Variants in PRELID2 observed in about 807,000 individuals in gnomAD.
PRELID2 encodes the protein PRELI domain containing 2, also known as PRELI domain-containing protein 2.
In PRELID2, 25 loss-of-function variants were observed where a neutral mutation model predicts 28.4. The ratio of observed to expected loss-of-function variants is 0.88; its 90% CI spans 0.64 to 1.23. PRELID2 has a LOEUF of 1.23. Ranked by LOEUF, PRELID2 falls within the 50% of genes most tolerant of loss-of-function variation. The pLI is 0.00. For missense variants in PRELID2, 201 were observed against 214.4 expected (o/e 0.94, Z 0.39); for synonymous variants, 76 against 71.6 (o/e 1.06, Z -0.31).
At chr5:145,407,918 C>T in the PRELID2 span, among the ~76,000 whole-genome samples, 4 of 152,168 alleles carry the variant, frequency 2.6e-5, no homozygotes, top group Non-Finnish European at 5.9e-5. Flanking sequence ...GCCACCTATG[C>T]CAGCACAGGT....
chr5:145,819,369 T>C (rs921069887), intron 3 of PRELID2: 7 of 1,587,870 alleles, frequency 4.4e-6, no homozygotes, highest in African/African-American at 2.7e-5. Context: ...GATTAAAAAT[T>C]TCCACTCACC....
At chr5:145,676,228 A>T (rs963837966) in intron 1 of PRELID2, among the ~76,000 whole-genome samples, 39 of 147,790 alleles carry the variant, frequency 2.6e-4, no homozygotes, top group Admixed American at 1.8e-3. Flanking sequence ...CTCAAAAAAA[A>T]AAAAAAAAAA....
At chr5:145,352,081 C>T in the PRELID2 span, among the ~76,000 whole-genome samples, 31 of 152,238 alleles carry the variant, frequency 2.0e-4, no homozygotes, top group East Asian at 2.7e-3. Context: ...TGGTGTAAGC[C>T]GTCAGTGGAT....
In PRELID2 at chr5:145,819,469, A is replaced by T. The variant is rs1186130401; in HGVS notation, c.207+476T>A. 13 of 1,156,976 alleles carry T rather than the reference A, an allele frequency of 1.1e-5. No individual in the cohort carries two copies. In the East Asian group the frequency reaches 2.8e-4, roughly 25 times the overall value. 71.7% of individuals were successfully genotyped at this position (1,156,976 alleles called of 1,614,324 possible). A position where few individuals can be genotyped will look rare whatever the true frequency, so the allele number is the denominator to read the frequency against. ...TGAAGATTTCATCATCAATGATATT[A>T]CTTTAGAGAAATACACATAAAGACT... On this transcript the variant is annotated intron_variant, in intron 3 of 6. Coordinates refer to ENST00000683046, the MANE Select transcript of PRELID2 (RefSeq NM_205846.3).
At chr5:145,295,314 GA>G in the PRELID2 span, among the ~76,000 whole-genome samples, 3 of 151,624 alleles carry the variant, frequency 2.0e-5, no homozygotes. Context: ...GATAAGGTAA[GA>G]AAAAAAAGAA....
At chr5:145,305,417 C>G in the PRELID2 span, among the ~76,000 whole-genome samples, 1 of 152,254 alleles carries the variant, frequency 6.6e-6, no homozygotes, top group African/African-American at 2.4e-5. Context: ...CATGACTGCC[C>G]TTCCTACCCT....
At chr5:145,249,961 C>G in the PRELID2 span, among the ~76,000 whole-genome samples, 2 of 151,822 alleles carry the variant, frequency 1.3e-5, no homozygotes, top group African/African-American at 4.8e-5. Context: ...CTCTCTCTCT[C>G]TCTCCTTTTG....
rs115085217 is a variant in PRELID2, at chr5:145,543,786, C to T, written n.71-70471G>A. 7.6e-3 allele frequency among the ~76,000 whole-genome samples: 1,164 copies of T among 152,158 alleles called. 21 individuals carry two copies. The highest frequency in any genetic ancestry group is 0.027 in the African/African-American group (1,115 of 41,522). On this transcript the variant is annotated intron_variant and non_coding_transcript_variant, in intron 1 of 2. Coordinates refer to the PRELID2 transcript ENST00000510259. ...AAACCTTGACTATCAGTAATTGTCG[C>T]ATTTGGAGGCCATCTAGAAAGAAAC...
chr5:145,636,182 C>T (rs996774877), intron 1 of PRELID2, among the ~76,000 whole-genome samples: 10 of 152,050 alleles, frequency 6.6e-5, no homozygotes, highest in South Asian at 2.1e-4. Context: ...ATTGTTATAC[C>T]CAATGTAGAG....
intron 1 of PRELID2, among the ~76,000 whole-genome samples, chr5:145,660,447 A>G (rs2149676742): frequency 6.6e-6 from 1 of 152,268 alleles, no homozygotes; most frequent in Non-Finnish European, 1.5e-5. Context: ...CCCTCTAGGC[A>G]GAATAAAGCC....
chr5:145,582,438 C>A (rs1461604918), intron 1 of PRELID2, among the ~76,000 whole-genome samples: 1 of 151,962 alleles, frequency 6.6e-6, no homozygotes, highest in African/African-American at 2.4e-5. Context: ...ACAAGAACAG[C>A]AAGGGGGAAG....
At chr5:145,705,547 G>A (rs28628074) in intron 1 of PRELID2, among the ~76,000 whole-genome samples, 2,187 of 152,172 alleles carry the variant, frequency 0.014, 51 homozygotes, top group African/African-American at 0.048. Context: ...TTTTGGAGAT[G>A]ATATTTATTG....
intron 1 of PRELID2, among the ~76,000 whole-genome samples, chr5:145,613,847 T>C (rs1283818097): frequency 6.6e-6 from 1 of 152,180 alleles, no homozygotes; most frequent in Non-Finnish European, 1.5e-5. Context: ...TTTATCTTTG[T>C]TTTTATTGCA....
chr5:145,568,926 AT>A (rs1752992262), intron 1 of PRELID2, among the ~76,000 whole-genome samples: 1 of 152,198 alleles, frequency 6.6e-6, no homozygotes, highest in African/African-American at 2.4e-5. Flanking sequence ...ATTGGCATAT[AT>A]TTTATTGCTG....
chr5:145,751,060 T>C (rs747468342), intron 1 of PRELID2, among the ~76,000 whole-genome samples: 1 of 152,212 alleles, frequency 6.6e-6, no homozygotes, highest in Non-Finnish European at 1.5e-5. Context: ...ATTACATTTT[T>C]TTCTGACCAG....
chr5:145,395,692 T>C, the PRELID2 span, among the ~76,000 whole-genome samples: 1 of 152,134 alleles, frequency 6.6e-6, no homozygotes, highest in African/African-American at 2.4e-5. Flanking sequence ...CATTTGTTGT[T>C]ATTTTTCTGA....
At chr5:145,401,883 G>A in the PRELID2 span, among the ~76,000 whole-genome samples, 6 of 152,198 alleles carry the variant, frequency 3.9e-5, no homozygotes, top group South Asian at 8.3e-4. Flanking sequence ...TTTCCCTCTC[G>A]CTACTTCGAA....
chr5:145,433,168 A>C, the PRELID2 span, among the ~76,000 whole-genome samples: 2 of 152,070 alleles, frequency 1.3e-5, no homozygotes, highest in Non-Finnish European at 2.9e-5. Context: ...CTCCTCCAGG[A>C]TGTGTAGTAT....
At chr5:145,366,560 A>G in the PRELID2 span, among the ~76,000 whole-genome samples, 59 of 152,026 alleles carry the variant, frequency 3.9e-4, no homozygotes, top group East Asian at 0.01. Flanking sequence ...TGCCCTTTTA[A>G]ATTACATCGG....
Sources: allele counts gnomAD v4.1 joint callset (sites outside exome capture counted in the v4.1 genomes callset), GRCh38; gene constraint gnomAD v4.1.1; transcripts MANE v1.5; gene names NCBI Gene and HGNC (gene_info 2026-07-23, HGNC 2026-07-21).